Variants in FSTL5 observed in about 807,000 individuals in gnomAD.
FSTL5 encodes the protein follistatin like 5.
FSTL5 carries 62 observed loss-of-function variants against 89.1 expected under a neutral mutation model. The ratio of observed to expected loss-of-function variants is 0.70; its 90% CI spans 0.57 to 0.86. The LOEUF is 0.86. Ranked by LOEUF, FSTL5 falls within the 40% of genes least tolerant of loss-of-function variation. FSTL5 has a pLI of 0.00. For missense variants in FSTL5, 1,057 were observed against 1,001.6 expected (o/e 1.06, Z -0.75); for synonymous variants, 383 against 346.2 (o/e 1.11, Z -1.18).
At position 161,957,642 on chromosome 4, in the gene FSTL5, G is replaced by A. The variant is rs531915634; in HGVS notation, c.161-36990C>T. Among the ~76,000 whole-genome samples the A allele has an allele frequency of 3.8e-3, 576 of 152,148 alleles. 3 individuals carry two copies. Among genetic ancestry groups the A allele is most frequent in the African/African-American group, 0.012 (514 of 41,528 alleles). ...AGAGCCATCCTAGACCAGCCAGACC[G>A]AGTCCTTTTCCATTAAATATCGTAT... is the stretch of plus-strand genomic sequence containing the variant. On this transcript the variant is annotated intron_variant, in intron 3 of 15. Coordinates refer to ENST00000306100, the MANE Select transcript of FSTL5 (RefSeq NM_020116.5).
rs1382192417 is a variant in FSTL5, at chr4:161,991,583, G to A, written c.160+42042C>T. ...AACTGCATGTATTGACTTATACAGG[G>A]ATTCTTTTCAATCAAAGACAGATCA... is the stretch of plus-strand genomic sequence containing the variant. On this transcript the variant is annotated intron_variant, in intron 3 of 15. Coordinates refer to ENST00000306100, the MANE Select transcript of FSTL5 (RefSeq NM_020116.5). Among the ~76,000 whole-genome samples, 4 of 152,144 alleles carry A rather than the reference G, an allele frequency of 2.6e-5. No homozygotes were observed. In the East Asian group the frequency reaches 7.7e-4, roughly 29 times the overall value.
At chr4:162,013,486 C>G (rs961417493) in intron 3 of FSTL5, among the ~76,000 whole-genome samples, 1 of 152,090 alleles carries the variant, frequency 6.6e-6, no homozygotes, top group Non-Finnish European at 1.5e-5. Context: ...TTTATAGATG[C>G]CCCTGGGAAG....
At chr4:161,518,382 G>A (rs572138877) in intron 10 of FSTL5, among the ~76,000 whole-genome samples, 12 of 152,184 alleles carry the variant, frequency 7.9e-5, no homozygotes, top group Non-Finnish European at 1.8e-4. Context: ...CAAAAGGCAC[G>A]ATAGGGTGGT....
At chr4:161,638,519 C>A (rs569960859) in intron 7 of FSTL5, among the ~76,000 whole-genome samples, 2 of 151,820 alleles carry the variant, frequency 1.3e-5, no homozygotes, top group African/African-American at 4.8e-5. Flanking sequence ...GTTTACCAAC[C>A]AAAAAGAGTC....
chr4:161,992,932 A>ACATATATATACG (rs1736172958), intron 3 of FSTL5, among the ~76,000 whole-genome samples: 11 of 13,510 alleles, frequency 8.1e-4, no homozygotes, highest in Admixed American at 1.4e-3. Flanking sequence ...ATATGTGTGT[A>ACATATATATACG]TATATATATG....
At chr4:161,749,606 G>A (rs1168747904) in intron 6 of FSTL5, among the ~76,000 whole-genome samples, 1 of 151,734 alleles carries the variant, frequency 6.6e-6, no homozygotes, top group Non-Finnish European at 1.5e-5. Flanking sequence ...GACCATCCTA[G>A]CTAACACGGT....
intron 6 of FSTL5, among the ~76,000 whole-genome samples, chr4:161,676,654 A>C (rs992473695): frequency 2.6e-5 from 4 of 151,990 alleles, no homozygotes; most frequent in African/African-American, 9.7e-5. Context: ...AAAGTATAAT[A>C]AATTTTTAAA....
At chr4:161,883,315 A>G (rs1434112843) in intron 4 of FSTL5, among the ~76,000 whole-genome samples, 2 of 152,224 alleles carry the variant, frequency 1.3e-5, no homozygotes, top group Admixed American at 1.3e-4. Context: ...CTATTCACTC[A>G]AAAACATTCT....
At chr4:161,868,930 G>T (rs1299526661) in intron 4 of FSTL5, among the ~76,000 whole-genome samples, 3 of 152,116 alleles carry the variant, frequency 2.0e-5, no homozygotes, top group African/African-American at 7.2e-5. Context: ...ACTGTGAAAA[G>T]ATAACAAAAG....
intron 4 of FSTL5, among the ~76,000 whole-genome samples, chr4:161,827,833 A>G (rs1388423665): frequency 2.0e-5 from 3 of 152,150 alleles, no homozygotes; most frequent in African/African-American, 7.2e-5. Flanking sequence ...GTTTCCGGGC[A>G]TGCTGAGAAC....
intron 4 of FSTL5, among the ~76,000 whole-genome samples, chr4:161,877,554 T>C (rs1174120990): frequency 1.3e-5 from 2 of 151,054 alleles, no homozygotes; most frequent in African/African-American, 4.9e-5. Flanking sequence ...TAAAAATTAA[T>C]CCAGGTTCAC....
intron 12 of FSTL5, among the ~76,000 whole-genome samples, chr4:161,494,720 T>C (rs2126475428): frequency 6.6e-6 from 1 of 152,206 alleles, no homozygotes; most frequent in South Asian, 2.1e-4. Flanking sequence ...CTGTATAAAG[T>C]ATAATGAGTT....
chr4:161,853,473 G>T (rs1731625051), intron 4 of FSTL5, among the ~76,000 whole-genome samples: 1 of 151,758 alleles, frequency 6.6e-6, no homozygotes, highest in Admixed American at 6.6e-5. Flanking sequence ...TCATCATGTT[G>T]GCCAGGCTTG....
intron 4 of FSTL5, among the ~76,000 whole-genome samples, chr4:161,877,286 C>A (rs534164581): frequency 6.7e-6 from 1 of 149,974 alleles, no homozygotes; most frequent in Non-Finnish European, 1.5e-5. Flanking sequence ...ATATGGTATA[C>A]TTATAAATAC....
Position 161,777,304 on chromosome 4 carries a change from C to T in FSTL5, c.410-1230G>A, listed in dbSNP as rs567502810. 1.8e-3 allele frequency among the ~76,000 whole-genome samples: 273 copies of T among 150,382 alleles called. 3 individuals are homozygous for T. Among genetic ancestry groups the T allele is most frequent in the South Asian group, 5.5e-3 (26 of 4,748 alleles). On this transcript the variant is annotated intron_variant, in intron 4 of 15. Coordinates refer to ENST00000306100, the MANE Select transcript of FSTL5 (RefSeq NM_020116.5). ...TTATCCATTTATTGGCTGATGAACACTTAGGTTGATTCCATATCTTGACTA... is the reference window on the plus strand; with the variant it reads ...TTATCCATTTATTGGCTGATGAACATTTAGGTTGATTCCATATCTTGACTA...
At chr4:161,970,361 C>T (rs1011317391) in intron 3 of FSTL5, among the ~76,000 whole-genome samples, 1 of 151,918 alleles carries the variant, frequency 6.6e-6, no homozygotes, top group Admixed American at 6.6e-5. Flanking sequence ...AATATGGAAA[C>T]ACTTTGATTC....
chr4:161,677,478 A>C (rs1579013918), intron 6 of FSTL5, among the ~76,000 whole-genome samples: 1 of 151,990 alleles, frequency 6.6e-6, no homozygotes. Context: ...CAAGTATTGA[A>C]TGTCTGCCTG....
At chr4:161,980,843 C>G (rs1275853488) in intron 3 of FSTL5, among the ~76,000 whole-genome samples, 1 of 131,498 alleles carries the variant, frequency 7.6e-6, no homozygotes, top group East Asian at 2.6e-4. Context: ...ATGGCGCGAT[C>G]TCGGCACACT....
intron 4 of FSTL5, among the ~76,000 whole-genome samples, chr4:161,896,725 A>T (rs371298572): frequency 6.6e-6 from 1 of 152,258 alleles, no homozygotes; most frequent in African/African-American, 2.4e-5. Flanking sequence ...CATAGGAAAA[A>T]ATTATTTTAC....
Sources: allele counts gnomAD v4.1 joint callset (sites outside exome capture counted in the v4.1 genomes callset), GRCh38; gene constraint gnomAD v4.1.1; transcripts MANE v1.5; gene names NCBI Gene and HGNC (gene_info 2026-07-23, HGNC 2026-07-21).